Variants in CDH13 observed in about 807,000 individuals in gnomAD.
The protein encoded by CDH13 is cadherin 13, also known as cadherin-13.
A neutral mutation model predicts 63.8 loss-of-function variants in CDH13; 24 were observed. That is an observed-to-expected ratio of 0.38 (90% confidence interval 0.27 to 0.53). The LOEUF is 0.53. Among genes scored for constraint, CDH13 ranks in the 20% least tolerant of loss-of-function variants. CDH13 has a pLI of 0.85. For synonymous variants in CDH13, 503 were observed against 355.3 expected (o/e 1.42, Z -4.67); for missense variants, 1,049 against 903.1 (o/e 1.16, Z -2.07).
intron 4 of CDH13, among the ~76,000 whole-genome samples, chr16:83,211,451 G>A (rs1597523712): frequency 6.6e-6 from 1 of 152,202 alleles, no homozygotes; most frequent in South Asian, 2.1e-4. Context: ...CATATATAAT[G>A]ACCTTATTTA....
intron 7 of CDH13, among the ~76,000 whole-genome samples, chr16:83,556,469 T>A (rs1311096518): frequency 6.6e-6 from 1 of 152,108 alleles, no homozygotes; most frequent in Non-Finnish European, 1.5e-5. Context: ...CATGCGGTGG[T>A]CAATCAGCCA....
rs527298286 is a variant in CDH13 at position 83,708,037 on chromosome 16, G to A, written c.1538+29576G>A. On this transcript the variant is annotated intron_variant, in intron 10 of 13. Transcript: ENST00000567109. ...AAGCAACTTGCCCAGGGCACCAGAA[G>A]GCATGAGCTCCATGTTTCCCAGCCA... Among the ~76,000 whole-genome samples, 66 of 152,188 alleles carry A rather than the reference G, an allele frequency of 4.3e-4. 1 individual carries two copies. The South Asian group carries it at 0.013, about 30-fold the overall frequency.
At chr16:83,386,013 G>A (rs1306136276) in intron 6 of CDH13, among the ~76,000 whole-genome samples, 4 of 152,148 alleles carry the variant, frequency 2.6e-5, no homozygotes, top group African/African-American at 9.7e-5. Flanking sequence ...TTGTAGCTAT[G>A]GGTGCTTGGA....
At chr16:83,390,382 G>T (rs377715699) in intron 6 of CDH13, among the ~76,000 whole-genome samples, 122 of 152,138 alleles carry the variant, frequency 8.0e-4, no homozygotes, top group Non-Finnish European at 1.4e-3. Context: ...AACCATGTAT[G>T]GTTAAGTCCC....
At chr16:83,064,359 A>AGT (rs1555574183) in intron 3 of CDH13, among the ~76,000 whole-genome samples, 4 of 151,740 alleles carry the variant, frequency 2.6e-5, no homozygotes, top group Non-Finnish European at 5.9e-5. Context: ...ACAAAGTGAG[A>AGT]CTGTCTCAAA....
chr16:83,166,797 T>G (rs1404326237), intron 4 of CDH13, among the ~76,000 whole-genome samples: 1 of 152,192 alleles, frequency 6.6e-6, no homozygotes, highest in Non-Finnish European at 1.5e-5. Flanking sequence ...CAAGTAGCTT[T>G]TACAGAATGA....
At chr16:83,740,061 A>G (rs1399685103) in intron 10 of CDH13, 1 of 152,172 alleles carries the variant, frequency 6.6e-6, no homozygotes. Flanking sequence ...TCTAAGACTT[A>G]TCCGATGAGG....
chr16:82,689,445 C>A (rs184471329), intron 1 of CDH13, among the ~76,000 whole-genome samples: 102 of 152,240 alleles, frequency 6.7e-4, no homozygotes, highest in Non-Finnish European at 1.0e-3. Context: ...TTTTACATAA[C>A]ATTGGATTTT....
At chr16:82,883,463 A>G (rs564671317) in intron 2 of CDH13, among the ~76,000 whole-genome samples, 1 of 152,316 alleles carries the variant, frequency 6.6e-6, no homozygotes, top group African/African-American at 2.4e-5. Context: ...GAGTATGATC[A>G]GGCTGGAACA....
intron 4 of CDH13, among the ~76,000 whole-genome samples, chr16:83,213,804 A>T (rs1049831511): frequency 6.6e-6 from 1 of 152,106 alleles, no homozygotes; most frequent in African/African-American, 2.4e-5. Flanking sequence ...CTTTTCTTAG[A>T]AGAGGATGGT....
intron 7 of CDH13, among the ~76,000 whole-genome samples, chr16:83,541,900 G>A (rs1385421071): frequency 6.6e-6 from 1 of 152,224 alleles, no homozygotes; most frequent in East Asian, 1.9e-4. Context: ...AGCCCCATGG[G>A]ACAGAGGCTG....
At chr16:82,985,767 G>C (rs1315175673) in intron 2 of CDH13, among the ~76,000 whole-genome samples, 1 of 152,168 alleles carries the variant, frequency 6.6e-6, no homozygotes, top group Admixed American at 6.5e-5. Flanking sequence ...GGTGACTGGA[G>C]CATGGGGACA....
intron 2 of CDH13, among the ~76,000 whole-genome samples, chr16:82,945,416 G>A (rs996267338): frequency 6.6e-6 from 1 of 152,204 alleles, no homozygotes; most frequent in Admixed American, 6.5e-5. Context: ...TGGATATTAA[G>A]ATGATGTTTC....
chr16:82,801,933 C>G (rs568992478), intron 1 of CDH13, among the ~76,000 whole-genome samples: 1 of 152,166 alleles, frequency 6.6e-6, no homozygotes, highest in African/African-American at 2.4e-5. Flanking sequence ...ATGCAGGAAA[C>G]TACAGTAAGG....
intron 4 of CDH13, among the ~76,000 whole-genome samples, chr16:83,216,433 T>TAC: frequency 8.7e-6 from 1 of 115,430 alleles, no homozygotes; most frequent in Non-Finnish European, 1.8e-5. Flanking sequence ...TATATATATA[T>TAC]ATATATATAT....
At chr16:83,544,962 A>C (rs2075359312) in intron 7 of CDH13, among the ~76,000 whole-genome samples, 1 of 152,208 alleles carries the variant, frequency 6.6e-6, no homozygotes, top group Non-Finnish European at 1.5e-5. Context: ...TATAGGTATG[A>C]TATGTAATTC....
intron 1 of CDH13, among the ~76,000 whole-genome samples, chr16:82,640,041 T>G (rs1737413826): frequency 6.6e-6 from 1 of 152,230 alleles, no homozygotes. Context: ...AAAGACAAGA[T>G]TGCCTGCCCC....
chr16:83,433,494 T>C (rs575990008), intron 6 of CDH13, among the ~76,000 whole-genome samples: 2 of 152,320 alleles, frequency 1.3e-5, no homozygotes, highest in South Asian at 4.1e-4. Context: ...AAGAGCATCA[T>C]TGTTTCCTTG....
intron 2 of CDH13, among the ~76,000 whole-genome samples, chr16:82,985,813 T>C (rs1910863091): frequency 1.3e-5 from 2 of 152,192 alleles, no homozygotes; most frequent in Admixed American, 1.3e-4. Flanking sequence ...ATCTTGGTAC[T>C]GTTCTCATGA....
Sources: gnomAD v4.1 joint callset for allele counts (sites outside exome capture counted in the v4.1 genomes callset) on GRCh38, gnomAD v4.1.1 for gene constraint, MANE v1.5 for transcripts, NCBI Gene and HGNC (gene_info 2026-07-23, HGNC 2026-07-21) for gene names.